Variants in ANO6 observed in about 807,000 individuals in gnomAD.
ANO6 encodes the protein anoctamin 6.
Under a neutral mutation model 117.5 loss-of-function variants are expected in ANO6, and 106 were observed. That is an observed-to-expected ratio of 0.90 (90% confidence interval 0.77 to 1.06). The LOEUF (loss-of-function observed/expected upper bound fraction) is 1.06. Among genes scored for constraint, ANO6 ranks in the 50% least tolerant of loss-of-function variants. ANO6 has a pLI of 0.00. For synonymous variants in ANO6, 367 were observed against 385.1 expected, an observed-to-expected ratio of 0.95 and a Z score of 0.55; for missense variants, 955 against 1,121.1, an observed-to-expected ratio of 0.85 and a Z score of 2.12.
chr12:45,383,299 A>G (rs1167105330), intron 10 of ANO6: 1 of 156,840 alleles, frequency 6.4e-6, no homozygotes. Context: ...TCTTTCTACC[A>G]CATCTGCAGT....
intron 8 of ANO6, among the ~76,000 whole-genome samples, chr12:45,363,739 T>C (rs1236711987): frequency 6.6e-5 from 10 of 152,152 alleles, no homozygotes; most frequent in African/African-American, 2.2e-4. Context: ...TTTCCTCATA[T>C]TGTTCTCATG....
intron 10 of ANO6, among the ~76,000 whole-genome samples, chr12:45,382,214 A>G (rs1942186647): frequency 1.3e-5 from 2 of 152,134 alleles, no homozygotes; most frequent in Non-Finnish European, 2.9e-5. Context: ...AAAAATGAGA[A>G]TGGGTTAGAA....
intron 1 of ANO6, among the ~76,000 whole-genome samples, chr12:45,243,533 T>C (rs927243954): frequency 3.3e-5 from 5 of 152,034 alleles, no homozygotes; most frequent in East Asian, 1.9e-4. Flanking sequence ...TTCTGAGAGA[T>C]GTTTTGTGAA....
chr12:45,371,231 T>C (rs1319370405), intron 9 of ANO6, among the ~76,000 whole-genome samples: 2 of 152,196 alleles, frequency 1.3e-5, no homozygotes, highest in Non-Finnish European at 2.9e-5. Context: ...GTCTCACTGA[T>C]TGCTAGCACA....
chr12:45,346,133 T>C (rs1941125611), intron 3 of ANO6, among the ~76,000 whole-genome samples: 1 of 152,194 alleles, frequency 6.6e-6, no homozygotes, highest in Non-Finnish European at 1.5e-5. Flanking sequence ...CTCTCAACAC[T>C]GTTGCATTGG....
chr12:45,338,806 A>G (rs1940898507), intron 3 of ANO6, among the ~76,000 whole-genome samples: 2 of 152,068 alleles, frequency 1.3e-5, no homozygotes, highest in Admixed American at 1.3e-4. Context: ...AATGGGAAGT[A>G]TCTCTGGGCT....
At chr12:45,318,251 T>C (rs1940122800) in intron 2 of ANO6, among the ~76,000 whole-genome samples, 2 of 152,264 alleles carry the variant, frequency 1.3e-5, no homozygotes, top group African/African-American at 4.8e-5. Flanking sequence ...GTTTTTATGG[T>C]TTTAGGTCTA....
chr12:45,229,430 C>T (rs1436519144), intron 1 of ANO6, among the ~76,000 whole-genome samples: 11 of 143,658 alleles, frequency 7.7e-5, no homozygotes, highest in African/African-American at 2.3e-4. Context: ...CACTCTGTCG[C>T]CCAGGCTGGA....
intron 3 of ANO6, among the ~76,000 whole-genome samples, chr12:45,337,132 T>C (rs919677424): frequency 3.9e-5 from 6 of 152,104 alleles, no homozygotes; most frequent in African/African-American, 7.2e-5. Context: ...AAGTGAGCAG[T>C]GTTATAAAGT....
intron 10 of ANO6, among the ~76,000 whole-genome samples, chr12:45,386,325 A>G (rs1382482861): frequency 6.6e-6 from 1 of 152,180 alleles, no homozygotes; most frequent in African/African-American, 2.4e-5. Flanking sequence ...TTACCTATCT[A>G]CTGGACATTT....
intron 10 of ANO6, among the ~76,000 whole-genome samples, chr12:45,382,506 C>T (rs1287782916): frequency 6.6e-6 from 1 of 152,120 alleles, no homozygotes; most frequent in Non-Finnish European, 1.5e-5. Flanking sequence ...CTGGACTCCT[C>T]CCCACAGTCA....
chr12:45,228,020 G>A (rs1947511841), intron 1 of ANO6: 1 of 219,296 alleles, frequency 4.6e-6, no homozygotes, highest in Admixed American at 5.5e-5. Flanking sequence ...AGATCCTAGG[G>A]GCTGACACAC....
At chr12:45,395,356 A>C (rs1453791168) in intron 12 of ANO6, among the ~76,000 whole-genome samples, 1 of 152,252 alleles carries the variant, frequency 6.6e-6, no homozygotes, top group Admixed American at 6.5e-5. Context: ...TTAATAGCCT[A>C]CCAACCAAAA....
At chr12:45,224,105 C>G (rs767813038) in intron 1 of ANO6, among the ~76,000 whole-genome samples, 10 of 152,124 alleles carry the variant, frequency 6.6e-5, no homozygotes, top group Non-Finnish European at 8.8e-5. Flanking sequence ...CGGATAATTT[C>G]AGTAACTTGT....
chr12:45,356,152 T>G (rs1231153122), intron 7 of ANO6, among the ~76,000 whole-genome samples: 1 of 152,198 alleles, frequency 6.6e-6, no homozygotes, highest in Admixed American at 6.5e-5. Context: ...CGTGGCCTCT[T>G]CAGTTTTACC....
At chr12:45,293,830 A>G (rs952013032) in intron 1 of ANO6, among the ~76,000 whole-genome samples, 1 of 135,342 alleles carries the variant, frequency 7.4e-6, no homozygotes, top group African/African-American at 2.8e-5. Context: ...TGATCCACCC[A>G]TCTCGGCCTC....
chr12:45,411,433 TG>T (rs1943083403), intron 16 of ANO6, among the ~76,000 whole-genome samples: 1 of 152,242 alleles, frequency 6.6e-6, no homozygotes, highest in South Asian at 2.1e-4. Context: ...GTAGGCAGTC[TG>T]TCACTGTGTG....
chr12:45,395,973 T>C (rs893959142), intron 12 of ANO6, among the ~76,000 whole-genome samples: 4 of 152,162 alleles, frequency 2.6e-5, no homozygotes, highest in Non-Finnish European at 5.9e-5. Context: ...TTCAACATAG[T>C]GTTGGAAGTT....
intron 3 of ANO6, among the ~76,000 whole-genome samples, chr12:45,342,097 G>A (rs1484894660): frequency 6.6e-6 from 1 of 152,038 alleles, no homozygotes; most frequent in Non-Finnish European, 1.5e-5. Flanking sequence ...CTAGTAAATG[G>A]CAGAGTCAGG....
Sources: gnomAD v4.1 joint callset for allele counts (sites outside exome capture counted in the v4.1 genomes callset) on GRCh38, gnomAD v4.1.1 for gene constraint, MANE v1.5 for transcripts, NCBI Gene and HGNC (gene_info 2026-07-23, HGNC 2026-07-21) for gene names.